The following ZNF33A variants were observed in gnomAD, a reference collection of about 807,000 sequenced individuals.
The protein encoded by ZNF33A is zinc finger protein 33A.
Under a neutral mutation model 15.9 loss-of-function variants are expected in ZNF33A, and 9 were observed. The observed-to-expected ratio is 0.57, with a 90% confidence interval of 0.34 to 0.99. ZNF33A has a LOEUF of 0.99. Ranked by LOEUF, ZNF33A falls within the 50% of genes least tolerant of loss-of-function variation. The pLI, the probability that ZNF33A is intolerant of heterozygous loss-of-function variation, is 0.02. For synonymous variants in ZNF33A, 294 were observed against 324.2 expected (o/e 0.91, Z 1.00); for missense variants, 843 against 941.6 (o/e 0.90, Z 1.37).
intron 2 of ZNF33A, among the ~76,000 whole-genome samples, chr10:38,012,562 G>T (rs2064240644): frequency 6.6e-6 from 1 of 150,966 alleles, no homozygotes; most frequent in Non-Finnish European, 1.5e-5. Flanking sequence ...CCCCCGAGTA[G>T]CTGGGACTGC....
At chr10:38,023,831 G>T (rs2064859702) in intron 4 of ZNF33A, among the ~76,000 whole-genome samples, 1 of 152,076 alleles carries the variant, frequency 6.6e-6, no homozygotes, top group Admixed American at 6.6e-5. Flanking sequence ...CATATGACAT[G>T]ATTGTATACG....
chr10:38,061,287 T>C (rs1389371957), downstream of ZNF33A, among the ~76,000 whole-genome samples: 1 of 152,172 alleles, frequency 6.6e-6, no homozygotes, highest in Non-Finnish European at 1.5e-5. Context: ...TTTCCTGTGC[T>C]GCTCCTTCAC....
Position 38,057,020 on chromosome 10 carries a change from A to G in ZNF33A, c.*460A>G. The G allele has an allele frequency of 1.4e-6, 1 of 735,854 alleles. No individual in the cohort carries two copies. The allele number at this position is 735,854 out of a possible 1,614,324, so 45.6% of individuals were successfully genotyped here. On this transcript the variant is annotated 3_prime_UTR_variant, in exon 5 of 5. Coordinates refer to ENST00000432900, the MANE Select transcript of ZNF33A (RefSeq NM_006954.2). ...ACCAAACTTCCTCTAAGGATAATGT[A>G]TAATCATAGTATATGGTCAAGTCCA...
intron 4 of ZNF33A, among the ~76,000 whole-genome samples, chr10:38,032,575 C>G (rs2065259176): frequency 6.6e-6 from 1 of 152,002 alleles, no homozygotes; most frequent in Admixed American, 6.6e-5. Flanking sequence ...TCCTGAGTAG[C>G]TGGGATTACA....
chr10:38,042,903 A>G (rs2065770927), intron 4 of ZNF33A, among the ~76,000 whole-genome samples: 1 of 152,200 alleles, frequency 6.6e-6, no homozygotes, highest in Non-Finnish European at 1.5e-5. Flanking sequence ...GTCCAACAAT[A>G]CAGTTATAAA....
intron 4 of ZNF33A, among the ~76,000 whole-genome samples, chr10:38,049,956 A>T (rs1291643284): frequency 6.6e-6 from 1 of 152,216 alleles, no homozygotes; most frequent in African/African-American, 2.4e-5. Context: ...CAATTTGACG[A>T]TTTTGATGAA....
In ZNF33A at chr10:38,056,386, C is replaced by A. The variant is rs2135776062; in HGVS notation, c.2262C>A (p.Cys754Ter). Reference protein sequence around the residue: ...TGEKPYECNTCRKTFSQKSNL... With the variant: ...TGEKPYECNT Reference sequence around the variant, plus strand: ...AAAAGCCCTATGAATGTAACACATGCAGGAAAACTTTCTCTCAAAAGTCAA... The same window carrying A: ...AAAAGCCCTATGAATGTAACACATGAAGGAAAACTTTCTCTCAAAAGTCAA... The change falls in exon 5 of 5, where the codon TGC (cysteine) becomes TGA (stop). Residue 754 changes from cysteine (C) to a stop codon, truncating the protein, a stop_gained. Transcript: ENST00000432900. LOFTEE classifies it low-confidence loss of function (END_TRUNC). 1 of 1,614,072 alleles carries A rather than the reference C, an allele frequency of 6.2e-7. No homozygotes were observed. Among genetic ancestry groups the A allele is most frequent in the East Asian group, 2.2e-5 (1 of 44,858 alleles).
rs771417081 is a variant in ZNF33A, at chr10:38,054,948, A to G, written c.824A>G (p.Tyr275Cys). The G allele has an allele frequency of 4.7e-5, 76 of 1,613,944 alleles. 1 individual carries two copies. The highest frequency in any genetic ancestry group is 2.8e-4 in the African/African-American group (21 of 74,942). Residue 275 changes from tyrosine (Y) to cysteine (C), a missense_variant, in exon 5 of 5, where the codon TAT (tyrosine) becomes TGT (cysteine). Physicochemically the swap from Tyr to Cys is radical, Grantham distance 194 (BLOSUM62 -2). Transcript: ENST00000432900. ...ATATCTCCGTCAAGGGACAATCACT[A>G]TGAATTTAGTGATTGTGAGAAGTTC... The part of the protein sequence containing the change: ...HQISPSRDNH[Y>C]EFSDCEKFLC...
intron 4 of ZNF33A, among the ~76,000 whole-genome samples, chr10:38,024,783 T>C (rs1370376654): frequency 6.6e-6 from 1 of 152,256 alleles, no homozygotes; most frequent in Non-Finnish European, 1.5e-5. Flanking sequence ...AAATAATTCC[T>C]CAGTTTTAAG....
downstream of ZNF33A, among the ~76,000 whole-genome samples, chr10:38,061,461 C>A (rs1207652938): frequency 1.3e-5 from 2 of 152,120 alleles, no homozygotes; most frequent in Non-Finnish European, 2.9e-5. Context: ...AATGCAAAAC[C>A]CCTTGCCAGT....
At chr10:38,025,621 C>T (rs1347180928) in intron 4 of ZNF33A, among the ~76,000 whole-genome samples, 2 of 152,208 alleles carry the variant, frequency 1.3e-5, no homozygotes, top group Non-Finnish European at 2.9e-5. Flanking sequence ...CATTTGGAAC[C>T]GTGAGGAAAT....
Position 38,055,206 on chromosome 10 carries a change from A to G in ZNF33A, c.1082A>G (p.Glu361Gly), listed in dbSNP as rs1169509961. 2 of 1,614,184 alleles carry G rather than the reference A, an allele frequency of 1.2e-6. No individual in the cohort carries two copies. Among genetic ancestry groups the G allele is most frequent in the East Asian group, 2.2e-5 (1 of 44,886 alleles). Reference protein sequence around the residue: ...HTGQKPFQCNECEKAFWDKSN... With the variant: ...HTGQKPFQCNGCEKAFWDKSN... Reference sequence around the variant, plus strand: ...GGACAGAAACCCTTTCAATGTAATGAATGTGAAAAAGCTTTCTGGGATAAG... The same window carrying G: ...GGACAGAAACCCTTTCAATGTAATGGATGTGAAAAAGCTTTCTGGGATAAG... Residue 361 changes from glutamate (E) to glycine (G), a missense_variant, in exon 5 of 5, where the codon GAA becomes GGA. Transcript: ENST00000432900.
chr10:38,029,985 C>T (rs573356864), intron 4 of ZNF33A, among the ~76,000 whole-genome samples: 1 of 152,200 alleles, frequency 6.6e-6, no homozygotes, highest in East Asian at 1.9e-4. Flanking sequence ...ATATATTCAT[C>T]CAAGAAGCTC....
chr10:38,034,667 A>C (rs1361934525), intron 4 of ZNF33A, among the ~76,000 whole-genome samples: 2 of 152,202 alleles, frequency 1.3e-5, no homozygotes, highest in Non-Finnish European at 2.9e-5. Flanking sequence ...CACAACTCAC[A>C]CATAAGAAGT....
intron 1 of ZNF33A, among the ~76,000 whole-genome samples, chr10:38,012,087 T>C (rs2064211492): frequency 6.6e-6 from 1 of 152,166 alleles, no homozygotes; most frequent in Non-Finnish European, 1.5e-5. Context: ...CATAATTATG[T>C]TGGAGTTATT....
intron 4 of ZNF33A, among the ~76,000 whole-genome samples, chr10:38,031,547 G>A (rs1433712326): frequency 1.4e-5 from 2 of 145,952 alleles, no homozygotes; most frequent in African/African-American, 5.1e-5. Context: ...TCCAGCCTGG[G>A]TGACAGAGTG....
At chr10:38,027,594 A>C (rs1590542119) in intron 4 of ZNF33A, among the ~76,000 whole-genome samples, 1 of 151,230 alleles carries the variant, frequency 6.6e-6, no homozygotes, top group South Asian at 2.1e-4. Flanking sequence ...CAAGTGATCC[A>C]CCTTGGCCTC....
chr10:38,036,421 G>A, intron 4 of ZNF33A, among the ~76,000 whole-genome samples: 1 of 151,898 alleles, frequency 6.6e-6, no homozygotes, highest in Non-Finnish European at 1.5e-5. Context: ...CTGGGTGATA[G>A]AGCAAGATTC....
At chr10:38,029,198 T>C (rs1197554053) in intron 4 of ZNF33A, among the ~76,000 whole-genome samples, 1 of 152,206 alleles carries the variant, frequency 6.6e-6, no homozygotes, top group Non-Finnish European at 1.5e-5. Context: ...TTTTATTTCA[T>C]CTTTAAAGAC....
Sources: gnomAD v4.1 joint callset for allele counts (sites outside exome capture counted in the v4.1 genomes callset) on GRCh38, gnomAD v4.1.1 for gene constraint, MANE v1.5 for transcripts, NCBI Gene and HGNC (gene_info 2026-07-23, HGNC 2026-07-21) for gene names.